Variants in TSC1 observed in about 807,000 individuals in gnomAD.
TSC1 encodes the protein TSC complex subunit 1.
TSC1 carries 20 observed loss-of-function variants against 124.3 expected under a neutral mutation model. The ratio of observed to expected loss-of-function variants is 0.16; its 90% CI spans 0.11 to 0.23. The LOEUF (loss-of-function observed/expected upper bound fraction) is 0.23. Ranked by LOEUF, TSC1 falls within the 10% of genes least tolerant of loss-of-function variation. The pLI is 1.00. For missense variants in TSC1, 1,124 were observed against 1,448.5 expected (o/e 0.78, Z 3.64); for synonymous variants, 493 against 539.1 (o/e 0.91, Z 1.19).
intron 1 of TSC1, among the ~76,000 whole-genome samples, chr9:132,943,231 T>TAA (rs11378053): frequency 0.033 from 4,762 of 143,704 alleles, 107 homozygotes; most frequent in Admixed American, 0.06. Flanking sequence ...GCTTTCTATT[T>TAA]AAAAAAAAAA....
rs561978537 is a variant in TSC1, at chr9:132,920,424, T to TACCAGTAA, written c.737+931_737+938dup. Among the ~76,000 whole-genome samples the TACCAGTAA allele has an allele frequency of 1.1e-3, 175 of 152,340 alleles. 1 individual carries two copies. The highest frequency in any genetic ancestry group is 4.1e-3 in the African/African-American group (169 of 41,578). Reference sequence around the variant, plus strand: ...GGTTCTCCACGGGGAGCCTCTAAGGTACCAGTAATGTTCTGTTTTTTTTAA... The same window carrying TACCAGTAA: ...GGTTCTCCACGGGGAGCCTCTAAGGTACCAGTAAACCAGTAATGTTCTGTTTTTTTTAA... On this transcript the variant is annotated intron_variant, in intron 8 of 22. Coordinates refer to ENST00000298552, the MANE Select transcript of TSC1 (RefSeq NM_000368.5).
chr9:132,930,911 T>C (rs1588367571), intron 2 of TSC1, among the ~76,000 whole-genome samples: 1 of 152,226 alleles, frequency 6.6e-6, no homozygotes, highest in Non-Finnish European at 1.5e-5. Context: ...GAGACCACCG[T>C]TGGTAAGATT....
intron 12 of TSC1, 159 bp downstream of exon 12, chr9:132,910,412 C>T (rs1241658070): frequency 3.6e-6 from 5 of 1,389,780 alleles, no homozygotes; most frequent in South Asian, 1.2e-5. Context: ...GCAGATCACA[C>T]CTTGAGAGCA....
chr9:132,936,148 T>C (rs959262227), intron 1 of TSC1, among the ~76,000 whole-genome samples: 4 of 152,136 alleles, frequency 2.6e-5, no homozygotes, highest in Non-Finnish European at 5.9e-5. Flanking sequence ...AGAGACAGGG[T>C]CTCACTCTTA....
intron 8 of TSC1, among the ~76,000 whole-genome samples, chr9:132,918,444 T>G (rs1255636199): frequency 6.6e-6 from 1 of 152,128 alleles, no homozygotes; most frequent in Non-Finnish European, 1.5e-5. Context: ...TCACAACCCC[T>G]GGGTCCTGCC....
intron 19 of TSC1, 136 bp downstream of exon 19, chr9:132,901,453 T>C: frequency 1.2e-6 from 1 of 828,374 alleles, no homozygotes. Flanking sequence ...TCAGGGACTA[T>C]GGGGGCAGCA....
In TSC1 at chr9:132,912,355, T is replaced by C. The variant is rs1171852730; in HGVS notation, c.840A>G (p.Gln280=). ...AACGATGAGGAAAGCGGGCTGAGAT[T>C]TGGTGAGACACAGAATAGCCATCTT... The part of the protein sequence containing the change: ...SYEDGYSVSH[Q]ISARFPHRSA... The change falls in exon 9 of 23, where the codon CAA becomes CAG. Residue 280 remains glutamine, a synonymous_variant. Coordinates refer to ENST00000298552, the MANE Select transcript of TSC1 (RefSeq NM_000368.5). 1.1e-5 allele frequency: 17 copies of C among 1,614,044 alleles called. No individual in the cohort carries two copies. In the Admixed American group the frequency reaches 1.5e-4, roughly 14 times the overall value.
At position 132,903,706 on chromosome 9, in the gene TSC1, C is replaced by T. The variant is rs1060503207; in HGVS notation, c.2153G>A (p.Arg718Gln). Residue 718 changes from arginine to glutamine, a missense_variant, in exon 17 of 23, where the codon CGG becomes CAG. This residue lies in a region of TSC1 where 321 missense variants were observed against 397.4 expected (regional missense o/e 0.81). Transcript: ENST00000298552. The surrounding 1 kb of genome is among the most constrained non-coding windows in gnomAD (Gnocchi z 5.9). ...KRQQHALRNRRLLRKVIKAAA... is the reference protein window; with the variant it reads ...KRQQHALRNRQLLRKVIKAAA... ...TGCTTTGATCACCTTGCGGAGGAGC[C>T]GCCTGTTCCGGAGGGCATGCTGCTG... The T allele has an allele frequency of 6.2e-7, 1 of 1,613,024 alleles. No homozygotes were observed. Among genetic ancestry groups the T allele is most frequent in the Non-Finnish European group, 8.5e-7 (1 of 1,180,032 alleles).
intron 1 of TSC1, chr9:132,941,380 A>T (rs1419188659): frequency 4.6e-5 from 7 of 152,222 alleles, no homozygotes; most frequent in Admixed American, 3.3e-4. Flanking sequence ...CTTAAAAAGT[A>T]AACCAGAGAA....
chr9:132,904,837 A>T (rs1272808991), intron 15 of TSC1, among the ~76,000 whole-genome samples: 3 of 152,262 alleles, frequency 2.0e-5, no homozygotes, highest in Non-Finnish European at 4.4e-5. Flanking sequence ...TGAAATATAC[A>T]GGGAGTACAC....
At chr9:132,927,343 C>T (rs1846933843) in intron 3 of TSC1, 39 bp from the exon 4 acceptor site, 2 of 1,580,590 alleles carry the variant, frequency 1.3e-6, no homozygotes, top group Non-Finnish European at 1.7e-6. Context: ...ACTTATTCCC[C>T]TTAACATCCT....
chr9:132,923,335 A>G lies in TSC1; in HGVS notation c.508+13T>C. 5 of 1,614,072 alleles carry G rather than the reference A, an allele frequency of 3.1e-6. No homozygotes were observed. The highest frequency in any genetic ancestry group is 4.2e-6 in the Non-Finnish European group (5 of 1,179,940). On this transcript the variant is annotated intron_variant, in intron 6 of 22. Coordinates refer to ENST00000298552, the MANE Select transcript of TSC1 (RefSeq NM_000368.5). This position sits in a 1 kb window ranked among gnomAD's most constrained non-coding sequence, Gnocchi z 4.2. ...CCTCACAGGGCCCAACAGGTATATG[A>G]GGAGATCTGTACCTGGTTTCTTCAG...
At chr9:132,936,487 G>A (rs1486925261) in intron 1 of TSC1, among the ~76,000 whole-genome samples, 1 of 152,176 alleles carries the variant, frequency 6.6e-6, no homozygotes, top group Non-Finnish European at 1.5e-5. Flanking sequence ...TACTACAAAA[G>A]AGACATAAAA....
chr9:132,895,783 G>C lies in TSC1; in HGVS notation c.*452C>G. On this transcript the variant is annotated 3_prime_UTR_variant, in exon 23 of 23. Coordinates refer to ENST00000298552, the MANE Select transcript of TSC1 (RefSeq NM_000368.5). ...CTTTGCAGGCTATGTCCTCCTGGAA[G>C]GGACAAAACCAGACTTACCTGCAAT... The C allele has an allele frequency of 3.7e-6, 1 of 269,740 alleles. No individual in the cohort carries two copies. Among genetic ancestry groups the C allele is most frequent in the Non-Finnish European group, 7.2e-6 (1 of 139,688 alleles). The allele number at this position is 269,740 out of a possible 1,614,324, so 16.7% of individuals were successfully genotyped here.
intron 1 of TSC1, among the ~76,000 whole-genome samples, chr9:132,936,632 C>T (rs1438648767): frequency 1.3e-5 from 2 of 152,074 alleles, no homozygotes; most frequent in African/African-American, 4.8e-5. Flanking sequence ...AAATATGGGT[C>T]CTTCAAACTA....
rs2131614033 is a variant in TSC1, at chr9:132,896,692, C to A, written c.3038G>T (p.Gly1013Val). 6.2e-7 allele frequency: 1 copy of A among 1,614,056 alleles called. No individual in the cohort carries two copies. The change falls in exon 23 of 23, where the codon GGC (glycine) becomes GTC (valine). Residue 1013 changes from glycine to valine, a missense_variant. By Grantham distance (109) the Gly-to-Val change is moderately radical. Transcript: ENST00000298552. This position sits in a 1 kb window ranked among gnomAD's most constrained non-coding sequence, Gnocchi z 4.5. ...SMVGHNEEAS[G>V]HNGETKTPRP... ...GGGGGTCTTGGTCTCACCGTTGTGGCCAGATGCCTCTTCATTGTGCCCTAC... is the reference window on the plus strand; with the variant it reads ...GGGGGTCTTGGTCTCACCGTTGTGGACAGATGCCTCTTCATTGTGCCCTAC...
At chr9:132,900,652 G>C (rs996212365) in intron 20 of TSC1, 63 bp downstream of exon 20, 5 of 1,610,120 alleles carry the variant, frequency 3.1e-6, no homozygotes, top group Non-Finnish European at 4.2e-6. Flanking sequence ...CCATGCGGGA[G>C]ACATACTGTC....
At position 132,921,872 on chromosome 9, in the gene TSC1, G is replaced by A. The variant is rs1060505021; in HGVS notation, c.610C>T (p.Arg204Cys). 1.2e-6 allele frequency: 2 copies of A among 1,614,110 alleles called. No homozygotes were observed. Among genetic ancestry groups the A allele is most frequent in the Non-Finnish European group, 1.7e-6 (2 of 1,180,002 alleles). ...MYPCNFVSFL[R>C]SHYSMKENLE... ...TTTTCTTTCATACTGTAATGAGAAC[G>A]CAAAAAGGAGACGAAGTTGCAAGGG... Residue 204 changes from arginine (R) to cysteine (C), a missense_variant, in exon 7 of 23, where the codon CGT (arginine) becomes TGT (cysteine). Arg to Cys is a radical substitution (Grantham distance 180). This residue lies in a region of TSC1 where 463 missense variants were observed against 606.8 expected (regional missense o/e 0.76). Transcript: ENST00000298552. This position sits in a 1 kb window ranked among gnomAD's most constrained non-coding sequence, Gnocchi z 4.3.
At position 132,893,519 on chromosome 9, in the gene TSC1, A is replaced by G. The variant is rs1844874859; in HGVS notation, c.*2716T>C. On this transcript the variant is annotated 3_prime_UTR_variant, in exon 23 of 23. Transcript: ENST00000298552. ...GAGCTCATTTGCTCTGCGTCTTCCT[A>G]TCCCCCTCCCCGCTAAAACTGTAGT... The G allele has an allele frequency of 4.3e-6, 1 of 233,018 alleles. No homozygotes were observed. The highest frequency in any genetic ancestry group is 2.2e-5 in the African/African-American group (1 of 45,300). 14.4% of individuals were successfully genotyped at this position (233,018 alleles called of 1,614,324 possible).
Sources: gnomAD v4.1 joint callset for allele counts (sites outside exome capture counted in the v4.1 genomes callset) on GRCh38, gnomAD v4.1.1 for gene constraint, gnomAD v4.1.1 regional missense constraint, Gnocchi (gnomAD v3.1) non-coding constraint, MANE v1.5 for transcripts, NCBI Gene and HGNC (gene_info 2026-07-23, HGNC 2026-07-21) for gene names.